The following AUTS2 variants were observed in gnomAD, a reference collection of about 807,000 sequenced individuals.
AUTS2 encodes the protein activator of transcription and developmental regulator AUTS2.
In AUTS2, 17 loss-of-function variants were observed where a neutral mutation model predicts 112.4. The ratio of observed to expected loss-of-function variants is 0.15; its 90% CI spans 0.10 to 0.23. The LOEUF (loss-of-function observed/expected upper bound fraction) is 0.23, where lower values mean the gene tolerates loss of function less well. AUTS2 is among the 10% of genes least tolerant of loss of function. The pLI, the probability that AUTS2 is intolerant of heterozygous loss-of-function variation, is 1.00. For synonymous variants in AUTS2, 751 were observed against 702.7 expected (o/e 1.07, Z -1.09); for missense variants, 1,510 against 1,701.6 (o/e 0.89, Z 1.98).
chr7:69,782,377 T>G (rs1375348982), intron 1 of AUTS2, among the ~76,000 whole-genome samples: 4 of 151,768 alleles, frequency 2.6e-5, no homozygotes, highest in Middle Eastern at 3.2e-3. Flanking sequence ...TTTTTTTTTT[T>G]TTTGTTTCTT....
At chr7:69,982,507 G>C (rs760099217) in intron 2 of AUTS2, among the ~76,000 whole-genome samples, 4 of 152,164 alleles carry the variant, frequency 2.6e-5, no homozygotes, top group Non-Finnish European at 5.9e-5. Flanking sequence ...GACCTCTGGA[G>C]TATGCATGTT....
intron 4 of AUTS2, among the ~76,000 whole-genome samples, chr7:70,170,790 TA>T (rs1808640595): frequency 6.6e-6 from 1 of 152,016 alleles, no homozygotes; most frequent in Non-Finnish European, 1.5e-5. Context: ...GTATTTTTAG[TA>T]GAGACAGGGT....
intron 2 of AUTS2, among the ~76,000 whole-genome samples, chr7:69,986,851 G>T (rs994706434): frequency 6.6e-6 from 1 of 152,160 alleles, no homozygotes; most frequent in African/African-American, 2.4e-5. Context: ...GCAAGCAGTT[G>T]TTTGGTGAAT....
intron 5 of AUTS2, among the ~76,000 whole-genome samples, chr7:70,575,782 A>G (rs1393456403): frequency 6.6e-6 from 1 of 152,314 alleles, no homozygotes; most frequent in East Asian, 1.9e-4. Context: ...TAGGAACTTC[A>G]GAAATAACCT....
At chr7:69,743,047 T>C (rs761348632) in intron 1 of AUTS2, among the ~76,000 whole-genome samples, 3 of 152,204 alleles carry the variant, frequency 2.0e-5, no homozygotes, top group Non-Finnish European at 2.9e-5. Flanking sequence ...AACACTTTGA[T>C]GCTTGTCTTT....
chr7:70,722,384 T>C (rs1156456275), intron 6 of AUTS2, among the ~76,000 whole-genome samples: 1 of 152,124 alleles, frequency 6.6e-6, no homozygotes, highest in African/African-American at 2.4e-5. Flanking sequence ...ACGTGGAAAA[T>C]ATAGAGGGAG....
intron 6 of AUTS2, among the ~76,000 whole-genome samples, chr7:70,748,049 C>T (rs1184216924): frequency 1.5e-5 from 2 of 135,734 alleles, no homozygotes; most frequent in Non-Finnish European, 3.1e-5. Context: ...AGGATGGTCT[C>T]AATCTCCTGA....
chr7:70,497,312 C>G (rs1028527024), intron 5 of AUTS2, among the ~76,000 whole-genome samples: 2 of 150,114 alleles, frequency 1.3e-5, no homozygotes, highest in African/African-American at 2.5e-5. Flanking sequence ...GCGTCGATCA[C>G]ACACCCCACT....
chr7:70,719,747 C>A lies in AUTS2; in HGVS notation c.742+21127C>A, dbSNP rs1365554427. On this transcript the variant is annotated intron_variant, in intron 6 of 18. Transcript: ENST00000342771. ...AAAGTGCTGCGATTACAGGCGTGAA[C>A]CACCGCACCCGGCCAAGACACACAT... Among the ~76,000 whole-genome samples the A allele has an allele frequency of 2.0e-5, 3 of 152,148 alleles. No individual in the cohort carries two copies. The South Asian group carries it at 6.2e-4, about 32-fold the overall frequency.
intron 6 of AUTS2, among the ~76,000 whole-genome samples, chr7:70,713,690 T>C (rs6957066): frequency 0.78 from 119,071 of 151,896 alleles, 46,869 homozygotes; most frequent in East Asian, 1. Flanking sequence ...GTCAGGAGAT[T>C]GAGACCATCC....
At chr7:70,535,484 G>A (rs1023502297) in intron 5 of AUTS2, among the ~76,000 whole-genome samples, 10 of 151,832 alleles carry the variant, frequency 6.6e-5, no homozygotes, top group Admixed American at 1.3e-4. Flanking sequence ...GCGTGATCTC[G>A]GCTCACTGCA....
In AUTS2 at chr7:69,599,318, T is replaced by C. The variant is rs1792235511; in HGVS notation, c.-336T>C. 4.2e-6 allele frequency: 1 copy of C among 238,446 alleles called. No homozygotes were observed. The highest frequency in any genetic ancestry group is 8.1e-6 in the Non-Finnish European group (1 of 123,860). The allele number at this position is 238,446 out of a possible 1,614,324, so 14.8% of individuals were successfully genotyped here. On this transcript the variant is annotated 5_prime_UTR_variant, in exon 1 of 19. Coordinates refer to ENST00000342771, the MANE Select transcript of AUTS2 (RefSeq NM_015570.4). The surrounding 1 kb of genome is among the most constrained non-coding windows in gnomAD (Gnocchi z 7.0). ...GCTTGCTTGGTGAGTTATTTTTTTT[T>C]CCTCTAAAGGAGACCTGTGTGTTCA...
At chr7:69,782,622 G>A (rs571734670) in intron 1 of AUTS2, among the ~76,000 whole-genome samples, 6 of 151,960 alleles carry the variant, frequency 3.9e-5, no homozygotes, top group Admixed American at 1.3e-4. Flanking sequence ...CTCGAGAACT[G>A]AAAGATAATT....
intron 2 of AUTS2, among the ~76,000 whole-genome samples, chr7:69,943,349 G>T (rs1019021181): frequency 6.6e-6 from 1 of 152,170 alleles, no homozygotes; most frequent in African/African-American, 2.4e-5. Flanking sequence ...TCTTCATTCT[G>T]TCAGCTTCAA....
intron 2 of AUTS2, among the ~76,000 whole-genome samples, chr7:69,945,627 G>C (rs1796779509): frequency 6.6e-6 from 1 of 151,448 alleles, no homozygotes; most frequent in South Asian, 2.1e-4. Flanking sequence ...TGTTTTTTTG[G>C]GTTTTTTTTT....
chr7:69,647,437 A>G (rs1274268055), intron 1 of AUTS2, among the ~76,000 whole-genome samples: 1 of 151,918 alleles, frequency 6.6e-6, no homozygotes, highest in African/African-American at 2.4e-5. Flanking sequence ...TGTAGCATCA[A>G]CTTCCCAGGG....
At chr7:69,858,973 A>G (rs1279294170) in intron 1 of AUTS2, among the ~76,000 whole-genome samples, 1 of 152,244 alleles carries the variant, frequency 6.6e-6, no homozygotes, top group Non-Finnish European at 1.5e-5. Flanking sequence ...GCAATTGTCA[A>G]GTGAATAGAA....
intron 2 of AUTS2, among the ~76,000 whole-genome samples, chr7:69,961,613 G>A (rs908497383): frequency 6.6e-6 from 1 of 152,116 alleles, no homozygotes; most frequent in Non-Finnish European, 1.5e-5. Context: ...AGATTCCAAT[G>A]TGGGTTCTTA....
At chr7:70,169,711 A>G (rs1486537945) in intron 4 of AUTS2, among the ~76,000 whole-genome samples, 1 of 152,182 alleles carries the variant, frequency 6.6e-6, no homozygotes, top group Non-Finnish European at 1.5e-5. Context: ...ATTCAGTGAG[A>G]ACCAGAAGTG....
Sources: gnomAD v4.1 joint callset for allele counts (sites outside exome capture counted in the v4.1 genomes callset) on GRCh38, gnomAD v4.1.1 for gene constraint, Gnocchi (gnomAD v3.1) non-coding constraint, MANE v1.5 for transcripts, NCBI Gene and HGNC (gene_info 2026-07-23, HGNC 2026-07-21) for gene names.